Variants in PIP4K2C observed in about 807,000 individuals in gnomAD.
PIP4K2C encodes the protein phosphatidylinositol-5-phosphate 4-kinase type 2 gamma, also known as phosphatidylinositol 5-phosphate 4-kinase type-2 gamma.
PIP4K2C carries 21 observed loss-of-function variants against 45.0 expected under a neutral mutation model. The observed-to-expected ratio is 0.47, with a 90% CI of 0.33 to 0.67. The LOEUF is 0.67. Ranked by LOEUF, PIP4K2C falls within the 30% of genes least tolerant of loss-of-function variation. The pLI, the probability that PIP4K2C is intolerant of heterozygous loss-of-function variation, is 0.02. For synonymous variants in PIP4K2C, 201 were observed against 204.8 expected (o/e 0.98, Z 0.16); for missense variants, 456 against 542.8 (o/e 0.84, Z 1.59).
chr12:57,597,208 G>A (rs1210619588), intron 4 of PIP4K2C, among the ~76,000 whole-genome samples: 1 of 152,192 alleles, frequency 6.6e-6, no homozygotes, highest in Non-Finnish European at 1.5e-5. Context: ...TTTAGAGAAT[G>A]GATTGGTGGG....
Position 57,594,086 on chromosome 12 carries a change from G to T in PIP4K2C, c.236G>T (p.Ser79Ile). 6.2e-7 allele frequency: 1 copy of T among 1,613,980 alleles called. No homozygotes were observed. Among genetic ancestry groups the T allele is most frequent in the Non-Finnish European group, 8.5e-7 (1 of 1,179,964 alleles). The stretch of plus-strand genomic sequence containing the variant: ...CTGCTGCCAGATGACTTTAAGGCCA[G>T]CTCCAAGATCAAGGTCAACAATCAC... ...VMLLPDDFKA[S>I]SKIKVNNHLF... The change falls in exon 2 of 10, where the codon AGC (serine) becomes ATC (isoleucine). Residue 79 changes from serine (S) to isoleucine (I), a missense_variant. Transcript: ENST00000354947.
chr12:57,593,869 A>T (rs1883077894), intron 1 of PIP4K2C, among the ~76,000 whole-genome samples, 156 bp from the exon 2 acceptor site: 1 of 151,820 alleles, frequency 6.6e-6, no homozygotes, highest in Admixed American at 6.6e-5. Flanking sequence ...GAAGGGTTAG[A>T]CACATTCTCT....
rs773282154 is a variant in PIP4K2C at position 57,595,914 on chromosome 12, C to G, written c.396C>G (p.Ser132Arg). 3.7e-6 allele frequency: 6 copies of G among 1,613,898 alleles called. No individual in the cohort carries two copies. The African/African-American group carries it at 8.0e-5, about 22-fold the overall frequency. Residue 132 changes from serine (S) to arginine (R), a missense_variant, in exon 4 of 10, where the codon AGC becomes AGG. Transcript: ENST00000354947. ...TGTCCCTTACCCGAAACCCCCCCAG[C>G]GAAAGTGAAGGCAGTGATGGTCGCT... ...YLVSLTRNPP[S>R]ESEGSDGRFL...
At chr12:57,599,342 G>C (rs1033650957) in intron 5 of PIP4K2C, 58 bp from the exon 6 acceptor site, 82 of 1,610,640 alleles carry the variant, frequency 5.1e-5, no homozygotes, top group Admixed American at 2.5e-4. Context: ...CTTAGGGGCT[G>C]GGTTCTGACT....
chr12:57,598,989 G>C, intron 4 of PIP4K2C, 76 bp from the exon 5 acceptor site: 1 of 1,482,736 alleles, frequency 6.7e-7, no homozygotes, highest in Admixed American at 1.8e-5. Flanking sequence ...TGGAATGGCA[G>C]TGTTTGAACT....
intron 1 of PIP4K2C, 128 bp from the exon 2 acceptor site, chr12:57,593,897 T>G: frequency 3.2e-6 from 2 of 616,270 alleles, no homozygotes; most frequent in Non-Finnish European, 5.7e-6. Flanking sequence ...GTCAAGCATA[T>G]GCATAGCCAG....
intron 1 of PIP4K2C, 24 bp downstream of exon 1, chr12:57,591,487 G>T: frequency 6.3e-7 from 1 of 1,590,236 alleles, no homozygotes; most frequent in African/African-American, 1.4e-5. Context: ...CTAGACCCCC[G>T]CAGCCCTGTC....
At position 57,595,350 on chromosome 12, in the gene PIP4K2C, G is replaced by C. The variant is rs550334723; in HGVS notation, c.369+128G>C. 3 of 695,312 alleles carry C rather than the reference G, an allele frequency of 4.3e-6. No homozygotes were observed. The East Asian group carries it at 7.7e-5, about 18-fold the overall frequency. 43.1% of individuals were successfully genotyped at this position (695,312 alleles called of 1,614,324 possible). On this transcript the variant is annotated intron_variant, in intron 3 of 9. Coordinates refer to ENST00000354947, the MANE Select transcript of PIP4K2C (RefSeq NM_024779.5). The stretch of plus-strand genomic sequence containing the variant: ...AATTCTTTACCTTTTTGTGATTGCA[G>C]CATTTTCAAAAATTTAATGAAAATT...
At chr12:57,597,454 A>T (rs146075985) in intron 4 of PIP4K2C, among the ~76,000 whole-genome samples, 57 of 152,356 alleles carry the variant, frequency 3.7e-4, no homozygotes, top group African/African-American at 1.3e-3. Flanking sequence ...TGATTTGGAC[A>T]TACTGAATTT....
chr12:57,599,836 T>C (rs1293252562), intron 6 of PIP4K2C, among the ~76,000 whole-genome samples: 2 of 152,164 alleles, frequency 1.3e-5, no homozygotes, highest in Admixed American at 6.5e-5. Flanking sequence ...GCAGGACTGC[T>C]TGAGCCCAGG....
At chr12:57,592,688 G>A (rs554582024) in intron 1 of PIP4K2C, among the ~76,000 whole-genome samples, 25 of 152,038 alleles carry the variant, frequency 1.6e-4, no homozygotes, top group Non-Finnish European at 3.2e-4. Context: ...TAAGGATTGG[G>A]GGAGTTACAT....
intron 4 of PIP4K2C, among the ~76,000 whole-genome samples, 172 bp from the exon 5 acceptor site, chr12:57,598,893 C>T (rs982102120): frequency 1.3e-5 from 2 of 152,136 alleles, no homozygotes; most frequent in African/African-American, 2.4e-5. Context: ...GATTCAGAAA[C>T]GGCATGGATA....
chr12:57,600,948 ACCT>A lies in PIP4K2C; in HGVS notation c.955_957del (p.Pro319del). ...TGGATGGGGACTGCAGCCTGACTGG[ACCT>A]CCTGCTCTGGTGGGCTCCTATGGCA... On this transcript the variant is annotated inframe_deletion, in exon 8 of 10. Transcript: ENST00000354947. The A allele has an allele frequency of 6.2e-7, 1 of 1,613,974 alleles. No individual in the cohort carries two copies. The highest frequency in any genetic ancestry group is 1.1e-5 in the South Asian group (1 of 91,070).
chr12:57,599,481 G>C (rs1883335134), intron 6 of PIP4K2C, 43 bp downstream of exon 6: 5 of 1,609,960 alleles, frequency 3.1e-6, no homozygotes, highest in Non-Finnish European at 4.3e-6. Context: ...TGAGGGATGA[G>C]GGAGGGCAGA....
chr12:57,594,810 A>G (rs1883117939), intron 2 of PIP4K2C, among the ~76,000 whole-genome samples: 1 of 152,028 alleles, frequency 6.6e-6, no homozygotes, highest in African/African-American at 2.4e-5. Context: ...CTCTACTAAA[A>G]ATACAAAAAA....
In PIP4K2C at chr12:57,600,993, C is replaced by T. The variant is rs146897109; in HGVS notation, c.996C>T (p.Ile332=). The change falls in exon 8 of 10, where the codon ATC becomes ATT. Residue 332 remains isoleucine (I), a synonymous_variant. Transcript: ENST00000354947. ...VGSYGTSPEG[I]GGYIHSHRPL... is the part of the protein sequence containing the mutation. The stretch of plus-strand genomic sequence containing the variant: ...CCTATGGCACCTCCCCAGAGGGTAT[C>T]GGAGGCTACATCCATTCCCATCGGC... 3.5e-5 allele frequency: 57 copies of T among 1,614,128 alleles called. 1 individual carries two copies. The East Asian group carries it at 5.3e-4, about 15-fold the overall frequency.
Position 57,594,259 on chromosome 12 carries a change from A to G in PIP4K2C, c.272+137A>G, listed in dbSNP as rs1883096810. On this transcript the variant is annotated intron_variant, in intron 2 of 9. Coordinates refer to ENST00000354947, the MANE Select transcript of PIP4K2C (RefSeq NM_024779.5). Reference sequence around the variant, plus strand: ...TAGTTTTGTGCAAGGAAACCATGAGAATAATTTCTGGTGTTCCCTATATCC... The same window carrying G: ...TAGTTTTGTGCAAGGAAACCATGAGGATAATTTCTGGTGTTCCCTATATCC... The G allele has an allele frequency of 2.3e-5, 16 of 703,076 alleles. No individual in the cohort carries two copies. In the Admixed American group the frequency reaches 2.3e-4, roughly 10 times the overall value. 43.6% of individuals were successfully genotyped at this position (703,076 alleles called of 1,614,324 possible). A position where few individuals can be genotyped will look rare whatever the true frequency, so the allele number is the denominator to read the frequency against.
At chr12:57,598,852 T>C (rs990149237) in intron 4 of PIP4K2C, among the ~76,000 whole-genome samples, 1 of 152,128 alleles carries the variant, frequency 6.6e-6, no homozygotes, top group Non-Finnish European at 1.5e-5. Flanking sequence ...AATTAAGAGA[T>C]GTACAAATGG....
chr12:57,594,097 A>C lies in PIP4K2C; in HGVS notation c.247A>C (p.Lys83Gln). The change falls in exon 2 of 10, where the codon AAG (lysine) becomes CAG (glutamine). Residue 83 changes from lysine (K) to glutamine (Q), a missense_variant. By Grantham distance (53) the Lys-to-Gln change is moderately conservative (BLOSUM62 1). Around this residue, in one of 2 missense-constraint regions of PIP4K2C, gnomAD observed 421 missense variants for 473.1 expected, o/e 0.89. Transcript: ENST00000354947. ...TGACTTTAAGGCCAGCTCCAAGATCAAGGTCAACAATCACCTTTTCCACAG... is the reference window on the plus strand; with the variant it reads ...TGACTTTAAGGCCAGCTCCAAGATCCAGGTCAACAATCACCTTTTCCACAG... ...PDDFKASSKIKVNNHLFHREN... is the reference protein window; with the variant it reads ...PDDFKASSKIQVNNHLFHREN... 6.2e-7 allele frequency: 1 copy of C among 1,614,022 alleles called. No individual in the cohort carries two copies. The highest frequency in any genetic ancestry group is 8.5e-7 in the Non-Finnish European group (1 of 1,179,962).
Sources: gnomAD v4.1 joint callset for allele counts (sites outside exome capture counted in the v4.1 genomes callset) on GRCh38, gnomAD v4.1.1 for gene constraint, gnomAD v4.1.1 regional missense constraint, MANE v1.5 for transcripts, NCBI Gene and HGNC (gene_info 2026-07-23, HGNC 2026-07-21) for gene names.